Variants in OPCML observed in about 807,000 individuals in gnomAD.
OPCML encodes the protein opioid-binding protein/cell adhesion molecule.
OPCML carries 13 observed loss-of-function variants against 37.8 expected under a neutral mutation model. That is an observed-to-expected ratio of 0.34 (90% CI 0.22 to 0.55). The LOEUF is 0.55. Among genes scored for constraint, OPCML ranks in the 20% least tolerant of loss-of-function variants. OPCML has a pLI of 0.91. For missense variants in OPCML, 341 were observed against 435.6 expected (o/e 0.78, Z 1.93); for synonymous variants, 176 against 168.8 (o/e 1.04, Z -0.33).
intron 1 of OPCML, among the ~76,000 whole-genome samples, chr11:133,092,284 G>T (rs565209140): frequency 6.6e-6 from 1 of 152,062 alleles, no homozygotes; most frequent in Admixed American, 6.5e-5. Flanking sequence ...TAAATTACCC[G>T]GTCTGTGGCA....
At chr11:132,427,594 C>T (rs1367049266) in intron 7 of OPCML, among the ~76,000 whole-genome samples, 1 of 152,196 alleles carries the variant, frequency 6.6e-6, no homozygotes, top group Non-Finnish European at 1.5e-5. Flanking sequence ...CCTTAACACA[C>T]CCTGTTTTGT....
chr11:132,522,144 T>A (rs114943061), intron 4 of OPCML, among the ~76,000 whole-genome samples: 3,440 of 152,310 alleles, frequency 0.023, 110 homozygotes, highest in African/African-American at 0.07. Context: ...ATCCAAGTTG[T>A]CAAATGTAAC....
intron 2 of OPCML, among the ~76,000 whole-genome samples, chr11:132,905,434 T>C (rs370139505): frequency 2.0e-5 from 3 of 152,084 alleles, no homozygotes; most frequent in South Asian, 2.1e-4. Context: ...GGTTTCATCA[T>C]GTTGGCCAGG....
At chr11:133,032,900 A>G (rs1947700828) in intron 1 of OPCML, among the ~76,000 whole-genome samples, 1 of 152,212 alleles carries the variant, frequency 6.6e-6, no homozygotes, top group Non-Finnish European at 1.5e-5. Flanking sequence ...CTCTGACTTC[A>G]CCAATTCCCT....
chr11:132,691,171 A>T (rs1438020947), intron 2 of OPCML, among the ~76,000 whole-genome samples: 1 of 152,184 alleles, frequency 6.6e-6, no homozygotes, highest in Admixed American at 6.5e-5. Context: ...TGTTCTTAAG[A>T]TTGCTTTATA....
At chr11:132,864,966 G>A (rs553286766) in intron 2 of OPCML, among the ~76,000 whole-genome samples, 1 of 152,374 alleles carries the variant, frequency 6.6e-6, no homozygotes, top group South Asian at 2.1e-4. Flanking sequence ...TGGGAGAGCG[G>A]ACAGCGAGCC....
At chr11:133,130,718 T>A (rs1453613461) in intron 1 of OPCML, among the ~76,000 whole-genome samples, 3 of 152,124 alleles carry the variant, frequency 2.0e-5, no homozygotes, top group Non-Finnish European at 4.4e-5. Context: ...CCAGACAGTG[T>A]GTTATTAGCG....
intron 1 of OPCML, among the ~76,000 whole-genome samples, chr11:133,314,448 T>C (rs1380323585): frequency 6.6e-6 from 1 of 151,666 alleles, no homozygotes; most frequent in African/African-American, 2.4e-5. Flanking sequence ...TCTTGAAACT[T>C]CTGTGGATAT....
At chr11:133,529,986 G>C (rs568493925) in intron 1 of OPCML, among the ~76,000 whole-genome samples, 32 of 152,228 alleles carry the variant, frequency 2.1e-4, no homozygotes, top group Admixed American at 3.3e-4. Flanking sequence ...CCGGGCTCCT[G>C]ACACAATTAG....
At chr11:133,355,824 G>T (rs1168850315) in intron 1 of OPCML, among the ~76,000 whole-genome samples, 8 of 152,150 alleles carry the variant, frequency 5.3e-5, no homozygotes, top group Non-Finnish European at 1.5e-5. Context: ...GTCCCTAAAG[G>T]TTATAGAACT....
intron 1 of OPCML, among the ~76,000 whole-genome samples, chr11:133,263,042 T>G (rs541892687): frequency 6.6e-6 from 1 of 151,842 alleles, no homozygotes; most frequent in African/African-American, 2.4e-5. Context: ...AGAGTGGTCA[T>G]GCAAAAGAAA....
At chr11:132,772,824 C>T (rs1480840092) in intron 2 of OPCML, 1 of 152,228 alleles carries the variant, frequency 6.6e-6, no homozygotes, top group East Asian at 1.9e-4. Flanking sequence ...CCTTAGCTCA[C>T]TTGCAGAAGA....
intron 3 of OPCML, among the ~76,000 whole-genome samples, chr11:132,624,500 A>G (rs184414562): frequency 6.6e-6 from 1 of 152,054 alleles, no homozygotes; most frequent in East Asian, 1.9e-4. Flanking sequence ...GACTCCTTCC[A>G]TTCTCTTCCA....
In OPCML at chr11:132,814,070, T is replaced by C. The variant is rs139972406; in HGVS notation, c.146+128856A>G. 2.0e-5 allele frequency among the ~76,000 whole-genome samples: 3 copies of C among 152,334 alleles called. No homozygotes were observed. The East Asian group carries it at 5.8e-4, about 29-fold the overall frequency. On this transcript the variant is annotated intron_variant, in intron 2 of 7. Coordinates refer to ENST00000524381, the MANE Select transcript of OPCML (RefSeq NM_001012393.5). ...GATCACAAAGTATGTGTTTAGTAAA[T>C]AACTAGTGAATGATGGATGAATGAC...
chr11:133,489,537 C>T (rs1395072499), intron 1 of OPCML, among the ~76,000 whole-genome samples: 2 of 152,130 alleles, frequency 1.3e-5, no homozygotes, highest in African/African-American at 4.8e-5. Flanking sequence ...TGCTATCTTA[C>T]ACCAGTCAGA....
chr11:132,739,083 G>A (rs763077411), intron 2 of OPCML, among the ~76,000 whole-genome samples: 2 of 152,104 alleles, frequency 1.3e-5, no homozygotes, highest in African/African-American at 2.4e-5. Flanking sequence ...CAGAAATGAC[G>A]CCAAGCAGAA....
intron 1 of OPCML, chr11:133,418,129 A>G (rs1328966074): frequency 1.0e-6 from 1 of 985,296 alleles, no homozygotes; most frequent in African/African-American, 1.7e-5. Flanking sequence ...CGTGAAGTCG[A>G]AGACAGCAGG....
At chr11:132,579,004 A>T (rs2096456732) in intron 3 of OPCML, among the ~76,000 whole-genome samples, 1 of 152,178 alleles carries the variant, frequency 6.6e-6, no homozygotes, top group Admixed American at 6.5e-5. Flanking sequence ...AAATTTTAAG[A>T]AATAAAATTA....
intron 1 of OPCML, among the ~76,000 whole-genome samples, chr11:133,495,371 C>T (rs1430435370): frequency 6.6e-6 from 1 of 152,214 alleles, no homozygotes; most frequent in African/African-American, 2.4e-5. Flanking sequence ...CATGCGTATG[C>T]AAGTATATTA....
Sources: gnomAD v4.1 joint callset for allele counts (sites outside exome capture counted in the v4.1 genomes callset) on GRCh38, gnomAD v4.1.1 for gene constraint, MANE v1.5 for transcripts, NCBI Gene and HGNC (gene_info 2026-07-23, HGNC 2026-07-21) for gene names.